Variants in SPINK5 observed in about 807,000 individuals in gnomAD.
The protein encoded by SPINK5 is serine protease inhibitor Kazal-type 5.
In SPINK5, 125 loss-of-function variants were observed where a neutral mutation model predicts 151.8. The observed-to-expected ratio is 0.82, with a 90% CI of 0.71 to 0.96. SPINK5 has a LOEUF of 0.96. Among genes scored for constraint, SPINK5 ranks in the 40% least tolerant of loss-of-function variants. The pLI, the probability that SPINK5 is intolerant of heterozygous loss-of-function variation, is 0.00. For missense variants in SPINK5, 1,194 were observed against 1,291.9 expected (o/e 0.92, Z 1.16); for synonymous variants, 374 against 395.3 (o/e 0.95, Z 0.64).
chr5:148,136,876 G>T (rs1041490020), intron 32 of SPINK5, 107 bp from the exon 33 acceptor site: 39 of 1,405,460 alleles, frequency 2.8e-5, no homozygotes, highest in Non-Finnish European at 3.5e-5. Flanking sequence ...TTTGCAGAAT[G>T]CAGGATCTAT....
intron 8 of SPINK5, among the ~76,000 whole-genome samples, chr5:148,092,487 A>G (rs946610548): frequency 1.3e-5 from 2 of 151,806 alleles, no homozygotes; most frequent in Non-Finnish European, 2.9e-5. Context: ...GTTTTTCATT[A>G]GGTCTCTGTA....
chr5:148,072,086 C>A lies in SPINK5; in HGVS notation c.210-62C>A. The A allele has an allele frequency of 2.0e-6, 3 of 1,491,222 alleles. 1 individual carries two copies. The South Asian group carries it at 3.4e-5, about 17-fold the overall frequency. The allele number at this position is 1,491,222 out of a possible 1,614,324, so 92.4% of individuals were successfully genotyped here. A position where few individuals can be genotyped will look rare whatever the true frequency, so the allele number is the denominator to read the frequency against. On this transcript the variant is annotated intron_variant, in intron 3 of 32. Coordinates refer to ENST00000256084, the MANE Select transcript of SPINK5 (RefSeq NM_006846.4). ...GTTAAAATTAAGTTTACCATGTTAG[C>A]TGTTATTGTTAAAAGTTGAGCAAAC...
At chr5:148,072,996 T>A (rs1248863406) in intron 4 of SPINK5, among the ~76,000 whole-genome samples, 1 of 151,832 alleles carries the variant, frequency 6.6e-6, no homozygotes. Flanking sequence ...TTAAAATCTT[T>A]ACAAAATTAT....
chr5:148,127,483 A>G (rs1754459760), intron 30 of SPINK5, among the ~76,000 whole-genome samples: 1 of 152,114 alleles, frequency 6.6e-6, no homozygotes, highest in South Asian at 2.1e-4. Context: ...TACATCCTGG[A>G]ACTCTATGCC....
chr5:148,072,344 G>T lies in SPINK5; in HGVS notation c.282+124G>T, dbSNP rs530172673. The T allele has an allele frequency of 2.0e-4, 196 of 1,000,176 alleles. No individual in the cohort carries two copies. In the Middle Eastern group the frequency reaches 4.0e-3, roughly 20 times the overall value. 62.0% of individuals were successfully genotyped at this position (1,000,176 alleles called of 1,614,324 possible). On this transcript the variant is annotated intron_variant, in intron 4 of 32. Transcript: ENST00000256084. The stretch of plus-strand genomic sequence containing the variant: ...TGAAGCCAACAACTTAGGAGGGAGG[G>T]AACATGGGTTAGTCCAGGGGTGGGC...
At chr5:148,074,493 C>T (rs1021623292) in intron 4 of SPINK5, among the ~76,000 whole-genome samples, 11 of 151,308 alleles carry the variant, frequency 7.3e-5, no homozygotes, top group Non-Finnish European at 1.5e-4. Flanking sequence ...ATATTAAGTT[C>T]ACACGAGTCT....
At chr5:148,116,341 T>C in intron 21 of SPINK5, 29 bp from the exon 22 acceptor site, 1 of 1,609,692 alleles carries the variant, frequency 6.2e-7, no homozygotes, top group Non-Finnish European at 8.5e-7. Context: ...TAATCTATTG[T>C]TCCCTACCTC....
chr5:148,089,154 G>A, intron 6 of SPINK5: 1 of 470,446 alleles, frequency 2.1e-6, no homozygotes, highest in Admixed American at 2.3e-5. Context: ...CAGAGCACCT[G>A]AGGTGACTTG....
Position 148,131,241 on chromosome 5 carries a change from T to C in SPINK5, c.2965-18T>C, listed in dbSNP as rs762139890. 6.2e-6 allele frequency: 10 copies of C among 1,613,490 alleles called. No homozygotes were observed. The East Asian group carries it at 2.0e-4, about 32-fold the overall frequency. ...TGAATGCCATAAAGTACGTCTGCTT[T>C]ATTTTTTGCTTCTTCAGGATTCTGA... On this transcript the variant is annotated intron_variant, in intron 30 of 32. Transcript: ENST00000256084.
At chr5:148,114,681 A>T (rs1167709515) in intron 21 of SPINK5, among the ~76,000 whole-genome samples, 192 bp downstream of exon 21, 1 of 152,250 alleles carries the variant, frequency 6.6e-6, no homozygotes, top group Non-Finnish European at 1.5e-5. Flanking sequence ...AATAAATACA[A>T]CTAAGCTATT....
In SPINK5 at chr5:148,097,861, A is replaced by G. The variant is rs1753510463; in HGVS notation, c.883-6A>G. 2 of 1,603,966 alleles carry G rather than the reference A, an allele frequency of 1.2e-6. No homozygotes were observed. The highest frequency in any genetic ancestry group is 1.7e-6 in the Non-Finnish European group (2 of 1,171,762). ...ATATCTCAACTTTTTCTTATTCATT[A>G]TTCAGAAACTCTGCAGTCAATATCA... On this transcript the variant is annotated splice_region_variant and splice_polypyrimidine_tract_variant and intron_variant, in intron 10 of 32. Coordinates refer to ENST00000256084, the MANE Select transcript of SPINK5 (RefSeq NM_006846.4).
intron 28 of SPINK5, 180 bp downstream of exon 28, chr5:148,125,017 T>C: frequency 2.3e-6 from 2 of 875,658 alleles, no homozygotes; most frequent in Non-Finnish European, 3.1e-6. Context: ...GTTTGATACC[T>C]TTTTTGATTT....
chr5:148,124,068 T>C (rs369981523), intron 27 of SPINK5, 108 bp downstream of exon 27: 3 of 1,202,976 alleles, frequency 2.5e-6, no homozygotes, highest in Admixed American at 3.9e-5. Flanking sequence ...ATTAATGATA[T>C]GATACCTCCT....
intron 32 of SPINK5, among the ~76,000 whole-genome samples, chr5:148,136,403 C>T (rs983013608): frequency 6.6e-5 from 10 of 152,028 alleles, no homozygotes; most frequent in Non-Finnish European, 4.4e-5. Context: ...CAGTGCTGCT[C>T]GTGCCCCAGG....
intron 28 of SPINK5, chr5:148,125,374 A>C: frequency 1.4e-6 from 1 of 726,370 alleles, no homozygotes; most frequent in Non-Finnish European, 2.4e-6. Flanking sequence ...AACAGTAACA[A>C]TCACATTTGT....
At chr5:148,107,207 T>C (rs780684704) in intron 17 of SPINK5, 43 bp downstream of exon 17, 2 of 1,602,366 alleles carry the variant, frequency 1.2e-6, no homozygotes, top group Non-Finnish European at 1.7e-6. Flanking sequence ...TCTTCATCCA[T>C]GATCGCCCCT....
intron 23 of SPINK5, 60 bp downstream of exon 23, chr5:148,118,624 G>T (rs1754166118): frequency 1.3e-6 from 2 of 1,597,656 alleles, no homozygotes; most frequent in South Asian, 1.1e-5. Context: ...TGAATGAATG[G>T]CTATTTCTCA....
At chr5:148,065,597 T>A in intron 2 of SPINK5, 1 of 523,000 alleles carries the variant, frequency 1.9e-6, no homozygotes, top group South Asian at 2.9e-5. Flanking sequence ...ATGATGGATG[T>A]CTGCAAGAGG....
chr5:148,129,232 A>G (rs1754514165), intron 30 of SPINK5, among the ~76,000 whole-genome samples: 1 of 152,218 alleles, frequency 6.6e-6, no homozygotes, highest in Admixed American at 6.5e-5. Context: ...TTTGTAGACA[A>G]TTTTAAAGAC....
Sources: allele counts gnomAD v4.1 joint callset (sites outside exome capture counted in the v4.1 genomes callset), GRCh38; gene constraint gnomAD v4.1.1; transcripts MANE v1.5; gene names NCBI Gene and HGNC (gene_info 2026-07-23, HGNC 2026-07-21).